Variants in KLF12 observed in about 807,000 individuals in gnomAD.
KLF12 encodes KLF transcription factor 12.
KLF12 carries 9 observed loss-of-function variants against 37.8 expected under a neutral mutation model. That is an observed-to-expected ratio of 0.24 (90% confidence interval 0.14 to 0.42). The LOEUF is 0.42. KLF12 is among the 10% of genes least tolerant of loss of function. The probability of loss-of-function intolerance (pLI) is 1.00; values close to 1 mark genes in which losing one functional copy is unlikely to be tolerated. For missense variants in KLF12, 411 were observed against 516.0 expected (o/e 0.80, Z 1.97); for synonymous variants, 208 against 202.1 (o/e 1.03, Z -0.25).
chr13:73,829,900 A>G (rs1053494332), intron 4 of KLF12, among the ~76,000 whole-genome samples: 8 of 152,244 alleles, frequency 5.3e-5, no homozygotes, highest in African/African-American at 1.9e-4. Context: ...TGGCTTATTT[A>G]GACTTGTAAA....
intron 6 of KLF12, among the ~76,000 whole-genome samples, chr13:73,741,448 G>A (rs1391337270): frequency 2.6e-5 from 4 of 152,298 alleles, no homozygotes; most frequent in East Asian, 3.9e-4. Context: ...AAGAAACCTT[G>A]CTTTCAGATT....
At chr13:74,140,725 T>C in the KLF12 span, among the ~76,000 whole-genome samples, 3 of 152,102 alleles carry the variant, frequency 2.0e-5, no homozygotes, top group African/African-American at 7.2e-5. Context: ...CGCTAAGAAA[T>C]CATGAGAAAC....
chr13:73,826,004 G>A (rs1344298243), intron 4 of KLF12, among the ~76,000 whole-genome samples: 1 of 151,282 alleles, frequency 6.6e-6, no homozygotes, highest in Non-Finnish European at 1.5e-5. Flanking sequence ...ATGGAGTCTC[G>A]CTCTGTTGCC....
intron 1 of KLF12, among the ~76,000 whole-genome samples, chr13:74,087,338 A>ATTT (rs34876792): frequency 1.4e-5 from 2 of 145,894 alleles, no homozygotes; most frequent in African/African-American, 5.2e-5. Context: ...TTTAAAAAAA[A>ATTT]TTTTTTTTTT....
At chr13:74,276,635 A>G in the KLF12 span, among the ~76,000 whole-genome samples, 1 of 152,178 alleles carries the variant, frequency 6.6e-6, no homozygotes, top group Non-Finnish European at 1.5e-5. Context: ...ATAAAAAGTA[A>G]GTTGTCTTCC....
chr13:73,757,735 C>A (rs1298877553), intron 6 of KLF12, among the ~76,000 whole-genome samples: 2 of 152,012 alleles, frequency 1.3e-5, no homozygotes, highest in African/African-American at 4.8e-5. Flanking sequence ...TGATTGGGTT[C>A]CAATTTTAGT....
chr13:73,708,669 T>TA (rs1566310085), intron 7 of KLF12, among the ~76,000 whole-genome samples: 1 of 152,162 alleles, frequency 6.6e-6, no homozygotes, highest in African/African-American at 2.4e-5. Flanking sequence ...TTTTAGAAAA[T>TA]AGTGAGAATT....
In KLF12 at chr13:74,120,437, G is replaced by A. The variant is rs550680867; in HGVS notation, c.-32+13302C>T. Among the ~76,000 whole-genome samples the A allele has an allele frequency of 1.8e-3, 273 of 152,124 alleles. 1 individual carries two copies. Among genetic ancestry groups the A allele is most frequent in the African/African-American group, 6.0e-3 (251 of 41,500 alleles). ...AGAGGTTGCAGTGAGCTGAGGCTGC[G>A]TCACTGCACTCCAGCCTGGGTGGCA... On this transcript the variant is annotated intron_variant, in intron 1 of 7. Transcript: ENST00000377669.
chr13:74,294,854 T>A, the KLF12 span, among the ~76,000 whole-genome samples: 1 of 152,176 alleles, frequency 6.6e-6, no homozygotes, highest in African/African-American at 2.4e-5. Context: ...CCGATTTATC[T>A]CCCAAGCCCC....
At chr13:74,215,471 G>T in the KLF12 span, among the ~76,000 whole-genome samples, 4 of 130,780 alleles carry the variant, frequency 3.1e-5, no homozygotes, top group Non-Finnish European at 6.2e-5. Flanking sequence ...TGAAAGCTGA[G>T]CCAAGTAGTT....
intron 3 of KLF12, among the ~76,000 whole-genome samples, chr13:73,920,696 T>A (rs1259994413): frequency 6.6e-6 from 1 of 152,086 alleles, no homozygotes; most frequent in Non-Finnish European, 1.5e-5. Context: ...AAAAGTTACG[T>A]CAAACACAAT....
At chr13:74,262,636 A>C in the KLF12 span, among the ~76,000 whole-genome samples, 1 of 152,222 alleles carries the variant, frequency 6.6e-6, no homozygotes, top group Non-Finnish European at 1.5e-5. Context: ...AGGACAAGAA[A>C]AAAAGACTGT....
intron 2 of KLF12, among the ~76,000 whole-genome samples, chr13:73,990,327 A>C (rs1015136522): frequency 2.6e-5 from 4 of 152,214 alleles, no homozygotes; most frequent in African/African-American, 9.6e-5. Context: ...AAAGTAAAAC[A>C]ATTGATGAAG....
intron 1 of KLF12, among the ~76,000 whole-genome samples, chr13:74,097,697 C>CATATATAT (rs58038474): frequency 6.0e-5 from 9 of 150,030 alleles, no homozygotes; most frequent in African/African-American, 1.5e-4. Context: ...ATTTTATATA[C>CATATATAT]ATATATATAT....
intron 3 of KLF12, among the ~76,000 whole-genome samples, chr13:73,943,539 G>C (rs1440612030): frequency 6.6e-6 from 1 of 152,114 alleles, no homozygotes; most frequent in African/African-American, 2.4e-5. Flanking sequence ...AGTAAGAAAG[G>C]GCAAGTACAA....
chr13:74,250,874 C>T, the KLF12 span, among the ~76,000 whole-genome samples: 2 of 152,106 alleles, frequency 1.3e-5, no homozygotes, highest in South Asian at 4.1e-4. Context: ...GTAGAGAAAA[C>T]ATGCCAACAT....
chr13:73,827,298 C>T (rs1024425520), intron 4 of KLF12, among the ~76,000 whole-genome samples: 1 of 152,120 alleles, frequency 6.6e-6, no homozygotes, highest in Non-Finnish European at 1.5e-5. Context: ...TTACGGGGTG[C>T]CCATATCAAT....
At chr13:74,173,746 T>G in the KLF12 span, among the ~76,000 whole-genome samples, 26,713 of 152,168 alleles carry the variant, frequency 0.18, 3,270 homozygotes, top group African/African-American at 0.35. Context: ...TTATGGCAGT[T>G]ACCTTATCCA....
intron 1 of KLF12, among the ~76,000 whole-genome samples, chr13:74,021,368 T>C (rs929917907): frequency 4.6e-5 from 7 of 152,188 alleles, no homozygotes; most frequent in Non-Finnish European, 8.8e-5. Flanking sequence ...GTAAGGGTCC[T>C]GGAAGTTGGC....
Sources: allele counts gnomAD v4.1 joint callset (sites outside exome capture counted in the v4.1 genomes callset), GRCh38; gene constraint gnomAD v4.1.1; transcripts MANE v1.5; gene names NCBI Gene and HGNC (gene_info 2026-07-23, HGNC 2026-07-21).